Variants in MATN2 observed in about 807,000 individuals in gnomAD.
The protein encoded by MATN2 is matrilin 2.
MATN2 carries 69 observed loss-of-function variants against 103.2 expected under a neutral mutation model. The observed-to-expected ratio is 0.67, with a 90% CI of 0.55 to 0.82. The LOEUF (loss-of-function observed/expected upper bound fraction) is 0.82. Ranked by LOEUF, MATN2 falls within the 40% of genes least tolerant of loss-of-function variation. The pLI, the probability that MATN2 is intolerant of heterozygous loss-of-function variation, is 0.00. For missense variants in MATN2, 1,023 were observed against 1,211.5 expected (o/e 0.84, Z 2.31); for synonymous variants, 429 against 450.2 (o/e 0.95, Z 0.60).
At chr8:97,970,994 T>C (rs1303058203) in intron 5 of MATN2, among the ~76,000 whole-genome samples, 2 of 152,120 alleles carry the variant, frequency 1.3e-5, no homozygotes, top group East Asian at 1.9e-4. Context: ...TAGCAGGGAA[T>C]AAATGTAAAC....
Position 97,931,268 on chromosome 8 carries a change from G to C in MATN2, c.458G>C (p.Gly153Ala). The C allele has an allele frequency of 6.2e-7, 1 of 1,613,956 alleles. No homozygotes were observed. Among genetic ancestry groups the C allele is most frequent in the South Asian group, 1.1e-5 (1 of 91,078 alleles). ...ALNIAFSEAE[G>A]ARPLRENVPR... Reference sequence around the variant, plus strand: ...AACATCGCATTCTCAGAAGCAGAGGGGGCCCGGCCCCTGAGGGAGAATGTG... The same window carrying C: ...AACATCGCATTCTCAGAAGCAGAGGCGGCCCGGCCCCTGAGGGAGAATGTG... Residue 153 changes from glycine (G) to alanine (A), a missense_variant, in exon 3 of 19, where the codon GGG (glycine) becomes GCG (alanine). Coordinates refer to ENST00000254898, the MANE Select transcript of MATN2 (RefSeq NM_002380.5). The surrounding 1 kb of genome is among the most constrained non-coding windows in gnomAD (Gnocchi z 4.1).
At chr8:97,882,170 C>T (rs967467208) in intron 1 of MATN2, among the ~76,000 whole-genome samples, 5 of 151,386 alleles carry the variant, frequency 3.3e-5, no homozygotes, top group African/African-American at 4.9e-5. Flanking sequence ...GTGATCTGCC[C>T]GCCTCAGCTT....
At chr8:97,943,594 C>T (rs1248849224) in intron 4 of MATN2, among the ~76,000 whole-genome samples, 1 of 152,148 alleles carries the variant, frequency 6.6e-6, no homozygotes, top group Non-Finnish European at 1.5e-5. Context: ...CCACCTCAGC[C>T]TCCTGAGTAT....
At chr8:97,921,046 C>T (rs1333873464) in intron 2 of MATN2, among the ~76,000 whole-genome samples, 1 of 152,188 alleles carries the variant, frequency 6.6e-6, no homozygotes, top group African/African-American at 2.4e-5. Context: ...TCGAACCCTA[C>T]GTGCAGGGCT....
chr8:97,978,560 G>A (rs757972086), intron 5 of MATN2, among the ~76,000 whole-genome samples: 1 of 151,954 alleles, frequency 6.6e-6, no homozygotes, highest in Non-Finnish European at 1.5e-5. Flanking sequence ...TCTACCACTG[G>A]GTTTTATCTC....
chr8:97,999,111 C>T (rs1290331296), intron 7 of MATN2, among the ~76,000 whole-genome samples: 2 of 152,198 alleles, frequency 1.3e-5, no homozygotes, highest in Non-Finnish European at 2.9e-5. Flanking sequence ...CCTTTTGTAA[C>T]CAGCTTATAT....
Position 97,999,146 on chromosome 8 carries a change from T to G in MATN2, c.1205-4515T>G, listed in dbSNP as rs78114314. 6.2e-3 allele frequency among the ~76,000 whole-genome samples: 939 copies of G among 152,340 alleles called. 11 individuals carry two copies. The highest frequency in any genetic ancestry group is 0.021 in the African/African-American group (861 of 41,578). On this transcript the variant is annotated intron_variant, in intron 7 of 18. Transcript: ENST00000254898. ...TTGCTTGGCATAATGTCTTCAAGGTTCGTTCAGTTGTAGGACGTGTCAGAA... is the reference window on the plus strand; with the variant it reads ...TTGCTTGGCATAATGTCTTCAAGGTGCGTTCAGTTGTAGGACGTGTCAGAA...
intron 5 of MATN2, among the ~76,000 whole-genome samples, chr8:97,972,761 A>G (rs1461436768): frequency 6.6e-6 from 1 of 152,226 alleles, no homozygotes; most frequent in Non-Finnish European, 1.5e-5. Flanking sequence ...ATGTGGCAAG[A>G]CTGACTTCTG....
At chr8:97,918,597 G>A (rs552265261) in intron 2 of MATN2, among the ~76,000 whole-genome samples, 1 of 152,204 alleles carries the variant, frequency 6.6e-6, no homozygotes, top group East Asian at 1.9e-4. Context: ...GGGCCTGAGC[G>A]ATGCCTCCCA....
intron 1 of MATN2, among the ~76,000 whole-genome samples, chr8:97,878,034 G>C (rs1469632852): frequency 6.6e-6 from 1 of 152,120 alleles, no homozygotes; most frequent in East Asian, 1.9e-4. Context: ...ACCGATGTTA[G>C]AGAGGCAGGT....
At chr8:97,869,424 C>T (rs2129905350) in intron 1 of MATN2, 137 bp downstream of exon 1, 1 of 147,930 alleles carries the variant, frequency 6.8e-6, no homozygotes, top group East Asian at 2.0e-4. Context: ...CTGCAGCCCC[C>T]AGCGCCCCGG....
intron 2 of MATN2, among the ~76,000 whole-genome samples, chr8:97,902,743 C>T (rs1212114289): frequency 2.0e-5 from 3 of 152,138 alleles, no homozygotes; most frequent in Non-Finnish European, 2.9e-5. Flanking sequence ...TCTCCTGTCT[C>T]CCTTGTCTGC....
intron 4 of MATN2, among the ~76,000 whole-genome samples, chr8:97,947,886 C>T (rs1810806316): frequency 6.6e-6 from 1 of 152,188 alleles, no homozygotes; most frequent in Admixed American, 6.5e-5. Flanking sequence ...TGAATCATTG[C>T]TCCTAGATGA....
chr8:97,905,167 G>C (rs543423771), intron 2 of MATN2, among the ~76,000 whole-genome samples: 2 of 152,108 alleles, frequency 1.3e-5, no homozygotes, highest in Non-Finnish European at 2.9e-5. Context: ...TTTGATAACT[G>C]CAGTTCAAAT....
intron 3 of MATN2, among the ~76,000 whole-genome samples, chr8:97,934,360 A>G (rs948131019): frequency 6.6e-6 from 1 of 152,224 alleles, no homozygotes; most frequent in Non-Finnish European, 1.5e-5. Context: ...TTCAGTGTGC[A>G]CTGTGTTATG....
intron 4 of MATN2, among the ~76,000 whole-genome samples, chr8:97,956,497 A>G (rs1357080282): frequency 6.6e-6 from 1 of 152,214 alleles, no homozygotes; most frequent in Non-Finnish European, 1.5e-5. Context: ...CTGCATGCAG[A>G]TTAAGAGGCA....
chr8:97,983,148 C>T (rs74667451), intron 6 of MATN2, among the ~76,000 whole-genome samples: 18,157 of 152,144 alleles, frequency 0.12, 1,202 homozygotes, highest in Admixed American at 0.21. Context: ...TGTCCTTTGC[C>T]GTCTAACATA....
chr8:97,978,403 T>C lies in MATN2; in HGVS notation c.959-483T>C, dbSNP rs563220778. On this transcript the variant is annotated intron_variant, in intron 5 of 18. Transcript: ENST00000254898. ...GATTTTTTGTTGTTGTTGTAAACAA[T>C]GCTATTAATAGTTTATTGTATATAA... is the stretch of plus-strand genomic sequence containing the variant. Among the ~76,000 whole-genome samples, 4 of 152,368 alleles carry C rather than the reference T, an allele frequency of 2.6e-5. No homozygotes were observed. The South Asian group carries it at 8.3e-4, about 32-fold the overall frequency.
chr8:97,983,750 T>C (rs2130323834), intron 6 of MATN2, among the ~76,000 whole-genome samples: 1 of 152,352 alleles, frequency 6.6e-6, no homozygotes, highest in South Asian at 2.1e-4. Flanking sequence ...CAAATAAGAA[T>C]GCTTTGCACA....
Sources: gnomAD v4.1 joint callset for allele counts (sites outside exome capture counted in the v4.1 genomes callset) on GRCh38, gnomAD v4.1.1 for gene constraint, Gnocchi (gnomAD v3.1) non-coding constraint, MANE v1.5 for transcripts, NCBI Gene and HGNC (gene_info 2026-07-23, HGNC 2026-07-21) for gene names.